The following USP6NL variants were observed in gnomAD, a reference collection of about 807,000 sequenced individuals.
USP6NL encodes the protein USP6 N-terminal like.
A neutral mutation model predicts 61.9 loss-of-function variants in USP6NL; 26 were observed. The observed-to-expected ratio is 0.42, with a 90% CI of 0.31 to 0.58. USP6NL has a LOEUF of 0.58. USP6NL is among the 20% of genes least tolerant of loss of function. USP6NL has a pLI of 0.16. For missense variants in USP6NL, 1,114 were observed against 1,034.3 expected (o/e 1.08, Z -1.06); for synonymous variants, 432 against 390.1 (o/e 1.11, Z -1.27).
chr10:11,536,321 G>C (rs906996471), intron 2 of USP6NL, among the ~76,000 whole-genome samples: 23 of 152,168 alleles, frequency 1.5e-4, no homozygotes, highest in Non-Finnish European at 3.1e-4. Flanking sequence ...AGCAGTCTGA[G>C]CTCTGTGAGG....
In USP6NL at chr10:11,463,580, G is replaced by C. The variant is rs1375289478; in HGVS notation, c.1348C>G (p.Gln450Glu). Reference sequence around the variant, plus strand: ...TGTGGACCCGATGGGAGTTTTCTTTGAAAATCTGCCTCATCTTTAAGCTTT... The same window carrying C: ...TGTGGACCCGATGGGAGTTTTCTTTCAAAATCTGCCTCATCTTTAAGCTTT... The part of the protein sequence containing the change: ...SKKLKDEADF[Q>E]RKLPSGPQDS... Residue 450 changes from glutamine to glutamate, a missense_variant, in exon 15 of 15, where the codon CAA (glutamine) becomes GAA (glutamate). By Grantham distance (29) the Gln-to-Glu change is conservative (BLOSUM62 2). Coordinates refer to ENST00000609104, the MANE Select transcript of USP6NL (RefSeq NM_014688.5). The surrounding 1 kb of genome is among the most constrained non-coding windows in gnomAD (Gnocchi z 6.3). The C allele has an allele frequency of 1.2e-6, 2 of 1,614,006 alleles. No individual in the cohort carries two copies. The highest frequency in any genetic ancestry group is 1.7e-6 in the Non-Finnish European group (2 of 1,179,894).
intron 2 of USP6NL, among the ~76,000 whole-genome samples, chr10:11,549,188 G>GA (rs1329701956): frequency 2.6e-5 from 4 of 152,062 alleles, no homozygotes; most frequent in African/African-American, 9.7e-5. Flanking sequence ...AACCGACCTT[G>GA]AGCCTCAATG....
chr10:11,535,508 A>G (rs1342744289), intron 2 of USP6NL, among the ~76,000 whole-genome samples: 1 of 152,222 alleles, frequency 6.6e-6, no homozygotes, highest in Non-Finnish European at 1.5e-5. Context: ...GTAAGCAGGG[A>G]AAAGTAGCTG....
Position 11,611,142 on chromosome 10 carries a change from G to A in USP6NL, c.-84+301C>T, listed in dbSNP as rs1015838646. The stretch of plus-strand genomic sequence containing the variant: ...GCCTGGCCGGGATCGCGGCTCACTC[G>A]GGGAGGCAGTCGCCGGGTTCCACCC... On this transcript the variant is annotated intron_variant, in intron 1 of 14. Transcript: ENST00000609104. The surrounding 1 kb of genome is among the most constrained non-coding windows in gnomAD (Gnocchi z 5.3). Among the ~76,000 whole-genome samples the A allele has an allele frequency of 2.0e-5, 3 of 152,026 alleles. No homozygotes were observed. The highest frequency in any genetic ancestry group is 4.4e-5 in the Non-Finnish European group (3 of 67,946).
rs1404281162 is a variant in USP6NL at position 11,537,420 on chromosome 10, T to C, written c.5-9853A>G. The stretch of plus-strand genomic sequence containing the variant: ...AGCCACAAAGCCCGGCCTACTCCTC[T>C]AGTTTAAGTATGCATTATCTGATAC... On this transcript the variant is annotated intron_variant, in intron 2 of 14. Coordinates refer to ENST00000609104, the MANE Select transcript of USP6NL (RefSeq NM_014688.5). This position sits in a 1 kb window ranked among gnomAD's most constrained non-coding sequence, Gnocchi z 5.1. Among the ~76,000 whole-genome samples the C allele has an allele frequency of 1.3e-5, 2 of 152,176 alleles. No homozygotes were observed. The highest frequency in any genetic ancestry group is 2.9e-5 in the Non-Finnish European group (2 of 68,028).
At chr10:11,555,479 G>A (rs1232147775) in intron 2 of USP6NL, among the ~76,000 whole-genome samples, 2 of 136,242 alleles carry the variant, frequency 1.5e-5, no homozygotes, top group African/African-American at 5.6e-5. Flanking sequence ...GAAAGAGAGA[G>A]AGAGAGAGAG....
Position 11,611,527 on chromosome 10 carries a change from C to CG in USP6NL, c.-169dup, listed in dbSNP as rs1554750129. On this transcript the variant is annotated 5_prime_UTR_variant, in exon 1 of 15. Coordinates refer to ENST00000609104, the MANE Select transcript of USP6NL (RefSeq NM_014688.5). The surrounding 1 kb of genome is among the most constrained non-coding windows in gnomAD (Gnocchi z 5.3). ...GCCGAGCAGATCCGGCGCGGCGCGG[C>CG]GCGGCGGCGGCGGCGGCTACCGCAG... 2 of 159,288 alleles carry CG rather than the reference C, an allele frequency of 1.3e-5. No individual in the cohort carries two copies. The highest frequency in any genetic ancestry group is 2.7e-5 in the Non-Finnish European group (2 of 73,462). The allele number at this position is 159,288 out of a possible 1,614,324, so 9.9% of individuals were successfully genotyped here. A position where few individuals can be genotyped will look rare whatever the true frequency, so the allele number is the denominator to read the frequency against.
At chr10:11,559,713 G>A (rs1836851036) in intron 2 of USP6NL, among the ~76,000 whole-genome samples, 1 of 152,154 alleles carries the variant, frequency 6.6e-6, no homozygotes, top group Non-Finnish European at 1.5e-5. Flanking sequence ...AACATAAATT[G>A]TTGTGACTTG....
At position 11,553,539 on chromosome 10, in the gene USP6NL, C is replaced by T. The variant is rs758494943; in HGVS notation, c.5-25972G>A. Among the ~76,000 whole-genome samples, 57 of 152,174 alleles carry T rather than the reference C, an allele frequency of 3.7e-4. No individual in the cohort carries two copies. The highest frequency in any genetic ancestry group is 6.3e-4 in the Non-Finnish European group (43 of 68,040). On this transcript the variant is annotated intron_variant, in intron 2 of 14. Coordinates refer to ENST00000609104, the MANE Select transcript of USP6NL (RefSeq NM_014688.5). This position sits in a 1 kb window ranked among gnomAD's most constrained non-coding sequence, Gnocchi z 4.8. Reference sequence around the variant, plus strand: ...AATATATTATGGGAATATATACTTACATCCATTCATTGAACCCTCACTCCA... The same window carrying T: ...AATATATTATGGGAATATATACTTATATCCATTCATTGAACCCTCACTCCA...
At chr10:11,545,574 T>C (rs906688790) in intron 2 of USP6NL, among the ~76,000 whole-genome samples, 1 of 152,200 alleles carries the variant, frequency 6.6e-6, no homozygotes, top group Non-Finnish European at 1.5e-5. Context: ...TAAAGGATAA[T>C]ACAAACGCTA....
intron 2 of USP6NL, among the ~76,000 whole-genome samples, chr10:11,531,725 A>G (rs1835670340): frequency 6.6e-6 from 1 of 151,864 alleles, no homozygotes; most frequent in African/African-American, 2.4e-5. Context: ...TATTTTTATG[A>G]TTTTTTTTAT....
In USP6NL at chr10:11,536,495, C is replaced by T. The variant is rs555021344; in HGVS notation, c.5-8928G>A. Reference sequence around the variant, plus strand: ...TGTGATACAAAGAACAAGGTTTAGACAATCAATAGCTTATGTTATTTTGAT... The same window carrying T: ...TGTGATACAAAGAACAAGGTTTAGATAATCAATAGCTTATGTTATTTTGAT... On this transcript the variant is annotated intron_variant, in intron 2 of 14. Transcript: ENST00000609104. Among the ~76,000 whole-genome samples the T allele has an allele frequency of 4.5e-4, 69 of 152,316 alleles. 1 individual carries two copies. Among genetic ancestry groups the T allele is most frequent in the African/African-American group, 1.6e-3 (68 of 41,576 alleles).
chr10:11,526,375 A>G, intron 3 of USP6NL, among the ~76,000 whole-genome samples: 1 of 151,820 alleles, frequency 6.6e-6, no homozygotes, highest in South Asian at 2.1e-4. Context: ...GGCTGCTGCC[A>G]CTCCTGTCTA....
chr10:11,571,883 G>C (rs1005893829), intron 2 of USP6NL, among the ~76,000 whole-genome samples: 1 of 149,442 alleles, frequency 6.7e-6, no homozygotes, highest in African/African-American at 2.4e-5. Context: ...AAAAAAAACT[G>C]TCTGAAAAAT....
intron 4 of USP6NL, among the ~76,000 whole-genome samples, chr10:11,522,451 C>T (rs1470520207): frequency 6.6e-6 from 1 of 152,158 alleles, no homozygotes; most frequent in Non-Finnish European, 1.5e-5. Flanking sequence ...TGGTGACAAG[C>T]AATAAAAACC....
intron 2 of USP6NL, among the ~76,000 whole-genome samples, chr10:11,539,523 ATT>A (rs1835968407): frequency 6.6e-6 from 1 of 152,212 alleles, no homozygotes; most frequent in African/African-American, 2.4e-5. Flanking sequence ...TTTAAATACC[ATT>A]ACTACTGAAG....
At chr10:11,555,429 A>AT (rs1181226855) in intron 2 of USP6NL, among the ~76,000 whole-genome samples, 1,439 of 82,618 alleles carry the variant, frequency 0.017, 14 homozygotes, top group Non-Finnish European at 0.027. Flanking sequence ...AAAAAAAAAA[A>AT]AAAAATATAT....
chr10:11,507,595 C>T (rs563147942), intron 6 of USP6NL, among the ~76,000 whole-genome samples: 12 of 152,248 alleles, frequency 7.9e-5, no homozygotes, highest in Non-Finnish European at 1.3e-4. Context: ...ATGGTTAAGT[C>T]GGTTTCATGT....
At chr10:11,557,743 C>CAA (rs906606530) in intron 2 of USP6NL, among the ~76,000 whole-genome samples, 23 of 152,086 alleles carry the variant, frequency 1.5e-4, no homozygotes, top group Admixed American at 1.4e-3. Flanking sequence ...GGTGGTGCCA[C>CAA]ACAGGGCAGT....
Sources: allele counts gnomAD v4.1 joint callset (sites outside exome capture counted in the v4.1 genomes callset), GRCh38; gene constraint gnomAD v4.1.1; non-coding constraint Gnocchi (gnomAD v3.1); transcripts MANE v1.5; gene names NCBI Gene and HGNC (gene_info 2026-07-23, HGNC 2026-07-21).